The following SYNDIG1L variants were observed in gnomAD, a reference collection of about 807,000 sequenced individuals.
SYNDIG1L encodes synapse differentiation inducing 1 like.
Under a neutral mutation model 20.1 loss-of-function variants are expected in SYNDIG1L, and 13 were observed. That is an observed-to-expected ratio of 0.65 (90% CI 0.42 to 1.03). SYNDIG1L has a LOEUF of 1.03. Among genes scored for constraint, SYNDIG1L ranks in the 50% least tolerant of loss-of-function variants. SYNDIG1L has a pLI of 0.00. For synonymous variants in SYNDIG1L, 128 were observed against 129.3 expected (o/e 0.99, Z 0.07); for missense variants, 294 against 305.1 (o/e 0.96, Z 0.27).
intron 1 of SYNDIG1L, among the ~76,000 whole-genome samples, chr14:74,425,281 C>T (rs776281613): frequency 2.2e-4 from 33 of 152,200 alleles, no homozygotes; most frequent in Non-Finnish European, 2.5e-4. Context: ...TGCCCTCATG[C>T]GCCAAGAGAT....
upstream of SYNDIG1L, among the ~76,000 whole-genome samples, chr14:74,427,019 C>T (rs1309041951): frequency 8.6e-5 from 13 of 151,892 alleles, no homozygotes; most frequent in South Asian, 2.5e-3. Context: ...GAGCGTCCCC[C>T]TGAGTTTTCC....
intron 1 of SYNDIG1L, among the ~76,000 whole-genome samples, chr14:74,412,620 G>A (rs529705579): frequency 6.6e-6 from 1 of 152,316 alleles, no homozygotes; most frequent in Admixed American, 6.5e-5. Flanking sequence ...AGCCTAGTGA[G>A]GGGCACAGTC....
At chr14:74,453,418 G>T in the SYNDIG1L span, among the ~76,000 whole-genome samples, 1 of 147,806 alleles carries the variant, frequency 6.8e-6, no homozygotes, top group African/African-American at 2.5e-5. Flanking sequence ...AGTTGTTTGG[G>T]CAGGGAGAGG....
chr14:74,436,150 A>T, the SYNDIG1L span, among the ~76,000 whole-genome samples: 2 of 152,008 alleles, frequency 1.3e-5, no homozygotes, highest in Admixed American at 6.5e-5. Context: ...ATGTACAAAG[A>T]GATAACAAGT....
chr14:74,455,989 A>ATTTAGGTATTAAGGG, the SYNDIG1L span, among the ~76,000 whole-genome samples: 1 of 152,222 alleles, frequency 6.6e-6, no homozygotes, highest in Non-Finnish European at 1.5e-5. Flanking sequence ...GCCTAAGGTT[A>ATTTAGGTATTAAGGG]TTTAGGTATT....
Position 74,409,734 on chromosome 14 carries a change from A to C in SYNDIG1L, c.11T>G (p.Leu4Arg). The C allele has an allele frequency of 4.8e-6, 7 of 1,455,696 alleles. No homozygotes were observed. Among genetic ancestry groups the C allele is most frequent in the Non-Finnish European group, 6.4e-6 (7 of 1,102,182 alleles). 90.2% of individuals were successfully genotyped at this position (1,455,696 alleles called of 1,614,324 possible). A position where few individuals can be genotyped will look rare whatever the true frequency, so the allele number is the denominator to read the frequency against. Residue 4 changes from leucine (L) to arginine (R), a missense_variant, in exon 2 of 4, where the codon CTG becomes CGG. Leu to Arg is a moderately radical substitution (Grantham distance 102, BLOSUM62 -2). Transcript: ENST00000331628. MES[L>R]SELQNPLLPR... Reference sequence around the variant, plus strand: ...CAGCAGCGGGTTCTGTAGTTCACTCAGACTCTCCATGGTTCTGGGGCAGCT... The same window carrying C: ...CAGCAGCGGGTTCTGTAGTTCACTCCGACTCTCCATGGTTCTGGGGCAGCT...
intron 3 of SYNDIG1L, 30 bp downstream of exon 3, chr14:74,407,819 A>G (rs2086095964): frequency 6.3e-7 from 1 of 1,599,654 alleles, no homozygotes. Flanking sequence ...GACGGGCCAG[A>G]GAAGGGACCT....
At chr14:74,419,344 C>T (rs1595197765) in intron 1 of SYNDIG1L, among the ~76,000 whole-genome samples, 1 of 152,170 alleles carries the variant, frequency 6.6e-6, no homozygotes, top group East Asian at 1.9e-4. Context: ...TGTCTTGCTC[C>T]TCCCTGCATT....
chr14:74,460,402 G>T, the SYNDIG1L span, among the ~76,000 whole-genome samples: 59 of 152,228 alleles, frequency 3.9e-4, no homozygotes, highest in African/African-American at 1.4e-3. Context: ...CTCTACTGTA[G>T]GCCCCCATTC....
chr14:74,433,706 C>A, the SYNDIG1L span, among the ~76,000 whole-genome samples: 3 of 152,094 alleles, frequency 2.0e-5, no homozygotes, highest in African/African-American at 7.2e-5. Flanking sequence ...TTCTAACAAC[C>A]CCACAAGGTA....
chr14:74,466,082 C>T, the SYNDIG1L span, among the ~76,000 whole-genome samples: 1 of 152,200 alleles, frequency 6.6e-6, no homozygotes. Context: ...CGGCTTAGCT[C>T]CCCCTTCCCA....
chr14:74,423,705 C>T (rs2086242566), intron 1 of SYNDIG1L, among the ~76,000 whole-genome samples: 1 of 152,160 alleles, frequency 6.6e-6, no homozygotes, highest in Non-Finnish European at 1.5e-5. Context: ...CACACACACA[C>T]ACACACACAC....
rs4026651 is a variant in SYNDIG1L, at chr14:74,409,798, G to C, written c.-54C>G. The C allele has an allele frequency of 0.49, 683,186 of 1,393,296 alleles. 169,535 individuals are homozygous for C. Among genetic ancestry groups the C allele is most frequent in the Non-Finnish European group, 0.51 (547,638 of 1,068,290 alleles). The allele number at this position is 1,393,296 out of a possible 1,614,324, so 86.3% of individuals were successfully genotyped here. On this transcript the variant is annotated 5_prime_UTR_variant, in exon 2 of 4. Transcript: ENST00000331628. ...GCCTGGGCCAGCTGAGCAGTCCTCA[G>C]AGCCTGTCAGAAGAGCAAGACAGAC...
the SYNDIG1L span, among the ~76,000 whole-genome samples, chr14:74,451,307 G>A: frequency 9.9e-5 from 15 of 152,272 alleles, no homozygotes; most frequent in South Asian, 3.1e-3. Flanking sequence ...AAACAATTAA[G>A]TGGAGAAAGA....
chr14:74,431,640 AT>A, the SYNDIG1L span, among the ~76,000 whole-genome samples: 2 of 151,992 alleles, frequency 1.3e-5, no homozygotes, highest in Non-Finnish European at 2.9e-5. Context: ...GCCAAAGCTG[AT>A]TTTTTCCCCC....
At chr14:74,453,422 G>A in the SYNDIG1L span, among the ~76,000 whole-genome samples, 1 of 149,410 alleles carries the variant, frequency 6.7e-6, no homozygotes, top group Admixed American at 6.7e-5. Context: ...GTTTGGGCAG[G>A]GAGAGGAGGA....
At chr14:74,434,408 C>A in the SYNDIG1L span, among the ~76,000 whole-genome samples, 1 of 151,990 alleles carries the variant, frequency 6.6e-6, no homozygotes, top group Non-Finnish European at 1.5e-5. Flanking sequence ...TAAATGAGGT[C>A]ACATTTCTAA....
chr14:74,434,518 G>C, the SYNDIG1L span, among the ~76,000 whole-genome samples: 1 of 152,080 alleles, frequency 6.6e-6, no homozygotes, highest in Non-Finnish European at 1.5e-5. Context: ...ACACAGTGGA[G>C]GGGGAGAAAG....
At chr14:74,422,883 A>G (rs1271470589) in intron 1 of SYNDIG1L, among the ~76,000 whole-genome samples, 3 of 151,892 alleles carry the variant, frequency 2.0e-5, no homozygotes, top group Non-Finnish European at 4.4e-5. Flanking sequence ...CTTTTAGTAG[A>G]GATGGGGGTT....
Sources: gnomAD v4.1 joint callset for allele counts (sites outside exome capture counted in the v4.1 genomes callset) on GRCh38, gnomAD v4.1.1 for gene constraint, MANE v1.5 for transcripts, NCBI Gene and HGNC (gene_info 2026-07-23, HGNC 2026-07-21) for gene names.